The following RUFY1 variants were observed in gnomAD, a reference collection of about 807,000 sequenced individuals.
The protein encoded by RUFY1 is RUN and FYVE domain containing 1.
Under a neutral mutation model 94.6 loss-of-function variants are expected in RUFY1, and 54 were observed. That is an observed-to-expected ratio of 0.57 (90% CI 0.46 to 0.72). The LOEUF is 0.72. RUFY1 is among the 30% of genes least tolerant of loss of function. The pLI is 0.00. For missense variants in RUFY1, 883 were observed against 883.9 expected (o/e 1.00, Z 0.01); for synonymous variants, 396 against 347.3 (o/e 1.14, Z -1.56).
chr5:179,574,699 C>A (rs773443077), intron 5 of RUFY1, among the ~76,000 whole-genome samples: 18 of 152,158 alleles, frequency 1.2e-4, no homozygotes, highest in Non-Finnish European at 5.9e-5. Context: ...TATTCTCTTA[C>A]AGCTTTTGAA....
chr5:179,599,235 G>A (rs573819435), intron 14 of RUFY1: 8 of 166,114 alleles, frequency 4.8e-5, no homozygotes, highest in Middle Eastern at 2.9e-3. Flanking sequence ...TGGGCCCTGG[G>A]AGCCAGGGGA....
chr5:179,609,505 T>A lies in RUFY1; in HGVS notation c.2113T>A (p.Ser705Thr). 1 of 1,604,818 alleles carries A rather than the reference T, an allele frequency of 6.2e-7. No individual in the cohort carries two copies. The highest frequency in any genetic ancestry group is 8.5e-7 in the Non-Finnish European group (1 of 1,178,352). Residue 705 changes from serine (S) to threonine (T), a missense_variant, in exon 18 of 18, where the codon TCC becomes ACC. Transcript: ENST00000319449. ...CACCCTGCTCCTGCAGCGCTGCTCC[T>A]CCACGGCCTCCTGAACGTCCGTCCT... ...CHTLLLQRCSSTAS is the reference protein window; with the variant it reads ...CHTLLLQRCSTTAS
chr5:179,580,931 A>G lies in RUFY1; in HGVS notation c.891-16A>G. The G allele has an allele frequency of 6.6e-7, 1 of 1,524,430 alleles. No homozygotes were observed. The highest frequency in any genetic ancestry group is 1.4e-5 in the African/African-American group (1 of 72,238). The allele number at this position is 1,524,430 out of a possible 1,614,324, so 94.4% of individuals were successfully genotyped here. Reference sequence around the variant, plus strand: ...TAATAAAAAAAAGTTCTTCCTTCTTATGCTCCTTTTAAAAGGCATGAAAGA... The same window carrying G: ...TAATAAAAAAAAGTTCTTCCTTCTTGTGCTCCTTTTAAAAGGCATGAAAGA... On this transcript the variant is annotated splice_polypyrimidine_tract_variant and intron_variant, in intron 6 of 17. Coordinates refer to ENST00000319449, the MANE Select transcript of RUFY1 (RefSeq NM_025158.5).
intron 1 of RUFY1, chr5:179,555,687 G>T (rs1343649174): frequency 1.2e-5 from 5 of 407,528 alleles, no homozygotes; most frequent in Non-Finnish European, 1.9e-5. Flanking sequence ...GAGTGCAATG[G>T]CGTGATCTCG....
At position 179,562,681 on chromosome 5, in the gene RUFY1, T is replaced by A; in HGVS notation, c.602+17T>A. The A allele has an allele frequency of 7.9e-7, 1 of 1,272,138 alleles. No individual in the cohort carries two copies. The highest frequency in any genetic ancestry group is 1.1e-6 in the Non-Finnish European group (1 of 874,952). 78.8% of individuals were successfully genotyped at this position (1,272,138 alleles called of 1,614,324 possible). ...AGAATTAAAGTGAGTGAGAAGTAGT[T>A]CTGCCAATTTGATGATTTTAAAAAC... On this transcript the variant is annotated intron_variant, in intron 3 of 17. Coordinates refer to ENST00000319449, the MANE Select transcript of RUFY1 (RefSeq NM_025158.5).
At position 179,550,561 on chromosome 5, in the gene RUFY1, A is replaced by G; in HGVS notation, c.-9A>G. 1.9e-6 allele frequency: 1 copy of G among 535,292 alleles called. No individual in the cohort carries two copies. The highest frequency in any genetic ancestry group is 2.3e-6 in the Non-Finnish European group (1 of 433,764). 33.2% of individuals were successfully genotyped at this position (535,292 alleles called of 1,614,324 possible). A position where few individuals can be genotyped will look rare whatever the true frequency, so the allele number is the denominator to read the frequency against. ...CCGCCCGCCCGCTGGGTCACATGAC[A>G]CGGCCAAGATGGCCGACCGGGAAGG... On this transcript the variant is annotated 5_prime_UTR_variant, in exon 1 of 18. Transcript: ENST00000319449.
At chr5:179,584,901 C>T (rs571611597) in intron 7 of RUFY1, among the ~76,000 whole-genome samples, 3 of 152,100 alleles carry the variant, frequency 2.0e-5, no homozygotes, top group South Asian at 2.1e-4. Context: ...TTTGGGAGGC[C>T]GAAGCAGGCA....
At chr5:179,598,607 C>T (rs1765943773) in intron 13 of RUFY1, 85 bp from the exon 14 acceptor site, 6 of 1,518,288 alleles carry the variant, frequency 4.0e-6, no homozygotes, top group Middle Eastern at 1.7e-4. Flanking sequence ...AGAGACTTCC[C>T]TGTTTCCTGG....
chr5:179,560,523 T>C (rs548297853), intron 2 of RUFY1, among the ~76,000 whole-genome samples: 23 of 150,798 alleles, frequency 1.5e-4, no homozygotes, highest in Admixed American at 4.6e-4. Context: ...ATCGAGACCA[T>C]CCTGGCTAAC....
intron 8 of RUFY1, 175 bp from the exon 9 acceptor site, chr5:179,589,371 A>T (rs956946667): frequency 1.7e-6 from 1 of 575,200 alleles, no homozygotes; most frequent in African/African-American, 1.9e-5. Context: ...TACTACATAC[A>T]TTTTCATGTC....
At chr5:179,592,500 C>T (rs1765202208) in intron 10 of RUFY1, among the ~76,000 whole-genome samples, 2 of 152,304 alleles carry the variant, frequency 1.3e-5, no homozygotes, top group Middle Eastern at 3.4e-3. Context: ...GATCCACCTG[C>T]CTCGGCATCC....
At chr5:179,603,265 CAAAAAAA>C (rs11336898) in intron 15 of RUFY1, among the ~76,000 whole-genome samples, 1 of 145,900 alleles carries the variant, frequency 6.9e-6, no homozygotes, top group Non-Finnish European at 1.5e-5. Flanking sequence ...GAATCCATCT[CAAAAAAA>C]AAAAACAAAT....
At chr5:179,569,683 G>A (rs1217411079) in intron 5 of RUFY1, among the ~76,000 whole-genome samples, 1 of 152,060 alleles carries the variant, frequency 6.6e-6, no homozygotes, top group East Asian at 1.9e-4. Context: ...TGTGGGCGAG[G>A]TGAAAGTGGA....
At chr5:179,596,714 G>A (rs1765681787) in intron 13 of RUFY1, 33 bp downstream of exon 13, 2 of 1,542,942 alleles carry the variant, frequency 1.3e-6, no homozygotes, top group Middle Eastern at 2.2e-4. Flanking sequence ...GGGCTGGGGT[G>A]TGGCTCAGGA....
chr5:179,609,092 A>G (rs977413543), intron 17 of RUFY1, among the ~76,000 whole-genome samples: 35 of 149,570 alleles, frequency 2.3e-4, no homozygotes, highest in Admixed American at 1.3e-3. Context: ...AGTGGCGGGC[A>G]CCTGTAGACC....
rs559022403 is a variant in RUFY1, at chr5:179,550,792, G to A, written c.223G>A (p.Gly75Arg). 4 of 1,351,318 alleles carry A rather than the reference G, an allele frequency of 3.0e-6. No individual in the cohort carries two copies. The highest frequency in any genetic ancestry group is 3.8e-6 in the Non-Finnish European group (4 of 1,048,226). 83.7% of individuals were successfully genotyped at this position (1,351,318 alleles called of 1,614,324 possible). ...CCTGACCCTGGCACGCAGGGCCACC[G>A]GGAACCTGTCGGCGAGCTGCGGGAG... ...PILTLARRAT[G>R]NLSASCGSAL... Residue 75 changes from glycine (G) to arginine (R), a missense_variant, in exon 1 of 18, where the codon GGG becomes AGG. By Grantham distance (125) the Gly-to-Arg change is moderately radical. Coordinates refer to ENST00000319449, the MANE Select transcript of RUFY1 (RefSeq NM_025158.5).
At chr5:179,607,260 C>T (rs1369160482) in intron 16 of RUFY1, 3 of 369,958 alleles carry the variant, frequency 8.1e-6, no homozygotes, top group Non-Finnish European at 5.0e-6. Context: ...CAGAAGCTCG[C>T]TCTGCTTACT....
chr5:179,569,006 A>AG (rs1237111737), intron 4 of RUFY1: 1 of 983,574 alleles, frequency 1.0e-6, no homozygotes, highest in African/African-American at 1.7e-5. Flanking sequence ...GAGACACAGG[A>AG]GGGGAGAGTG....
chr5:179,577,497 CG>C (rs1763716610), intron 6 of RUFY1, among the ~76,000 whole-genome samples: 1 of 146,888 alleles, frequency 6.8e-6, no homozygotes, highest in Admixed American at 6.8e-5. Flanking sequence ...CTGGCAAAGG[CG>C]GGTCTTTGGG....
Sources: gnomAD v4.1 joint callset for allele counts (sites outside exome capture counted in the v4.1 genomes callset) on GRCh38, gnomAD v4.1.1 for gene constraint, MANE v1.5 for transcripts, NCBI Gene and HGNC (gene_info 2026-07-23, HGNC 2026-07-21) for gene names.